The following CORO1B variants were observed in gnomAD, a reference collection of about 807,000 sequenced individuals.
CORO1B encodes coronin 1B, also known as coronin-1B.
Under a neutral mutation model 51.1 loss-of-function variants are expected in CORO1B, and 30 were observed. The ratio of observed to expected loss-of-function variants is 0.59; its 90% CI spans 0.44 to 0.80. CORO1B has a LOEUF of 0.80. Among genes scored for constraint, CORO1B ranks in the 30% least tolerant of loss-of-function variants. CORO1B has a pLI of 0.00. For missense variants in CORO1B, 648 were observed against 700.4 expected (o/e 0.93, Z 0.84); for synonymous variants, 310 against 289.7 (o/e 1.07, Z -0.71).
Position 67,437,782 on chromosome 11 carries a change from C to T in CORO1B, c.*594G>A. The T allele has an allele frequency of 1.5e-6, 1 of 653,160 alleles. No homozygotes were observed. Among genetic ancestry groups the T allele is most frequent in the Non-Finnish European group, 2.2e-6 (1 of 448,944 alleles). The allele number at this position is 653,160 out of a possible 1,614,324, so 40.5% of individuals were successfully genotyped here. On this transcript the variant is annotated 3_prime_UTR_variant, in exon 11 of 11. Coordinates refer to ENST00000341356, the MANE Select transcript of CORO1B (RefSeq NM_020441.3). The stretch of plus-strand genomic sequence containing the variant: ...CTGCTGCAGGACCCCTGGTCCACAC[C>T]AGACCCTCCCCAGTCTCTCTGGAGG...
intron 2 of CORO1B, 126 bp downstream of exon 2, chr11:67,442,302 A>C: frequency 7.9e-7 from 1 of 1,259,836 alleles, no homozygotes; most frequent in Non-Finnish European, 1.1e-6. Flanking sequence ...TTGGGGCGAT[A>C]AATCTGGGTT....
upstream of CORO1B, chr11:67,443,584 G>T (rs1864439519): frequency 1.4e-6 from 1 of 696,800 alleles, no homozygotes; most frequent in African/African-American, 1.9e-5. Flanking sequence ...GAGGCTGAGC[G>T]GCGCCGGGGG....
In CORO1B at chr11:67,436,237, C is replaced by T; in HGVS notation, c.*2139G>A. 6.5e-7 allele frequency: 1 copy of T among 1,546,532 alleles called. No homozygotes were observed. The highest frequency in any genetic ancestry group is 8.7e-7 in the Non-Finnish European group (1 of 1,149,462). Reference sequence around the variant, plus strand: ...TGGCCAGCAGTAGGAGCAGCAGCAGCAGCAGGACAACGGTGACAGAGCTGG... The same window carrying T: ...TGGCCAGCAGTAGGAGCAGCAGCAGTAGCAGGACAACGGTGACAGAGCTGG... On this transcript the variant is annotated 3_prime_UTR_variant, in exon 11 of 11. Transcript: ENST00000341356.
In CORO1B at chr11:67,435,554, T is replaced by TG; in HGVS notation, c.*2821dup. Reference sequence around the variant, plus strand: ...ATTTCAAATGGTTGCCTGATGCCTGTGGTTGGGGGGGGCCGTTCCCGTGGT... The same window carrying TG: ...ATTTCAAATGGTTGCCTGATGCCTGTGGGTTGGGGGGGGCCGTTCCCGTGGT... On this transcript the variant is annotated 3_prime_UTR_variant, in exon 11 of 11. Transcript: ENST00000341356. 1 of 863,770 alleles carries TG rather than the reference T, an allele frequency of 1.2e-6. No homozygotes were observed. The highest frequency in any genetic ancestry group is 2.0e-5 in the African/African-American group (1 of 50,214). The allele number at this position is 863,770 out of a possible 1,614,324, so 53.5% of individuals were successfully genotyped here. A position where few individuals can be genotyped will look rare whatever the true frequency, so the allele number is the denominator to read the frequency against.
At position 67,435,915 on chromosome 11, in the gene CORO1B, C is replaced by T. The variant is rs1397617312; in HGVS notation, c.*2461G>A. 6.2e-7 allele frequency: 1 copy of T among 1,612,794 alleles called. No individual in the cohort carries two copies. On this transcript the variant is annotated 3_prime_UTR_variant, in exon 11 of 11. Coordinates refer to ENST00000341356, the MANE Select transcript of CORO1B (RefSeq NM_020441.3). The stretch of plus-strand genomic sequence containing the variant: ...GTGTCACTGTCTCTGGCTTCCTCAG[C>T]CCGCACGGGGACCTGCTCTGGGCTG...
chr11:67,436,284 T>C lies in CORO1B; in HGVS notation c.*2092A>G, dbSNP rs199865696. 2.4e-3 allele frequency: 3,653 copies of C among 1,536,330 alleles called. 10 individuals are homozygous for C. The highest frequency in any genetic ancestry group is 2.9e-3 in the Non-Finnish European group (3,325 of 1,145,346). ...CTGGAGCCCACGCTGTCCTCCGCGC[T>C]GCCACCCGAGCCCAAGGCCCCTGGC... On this transcript the variant is annotated 3_prime_UTR_variant, in exon 11 of 11. Coordinates refer to ENST00000341356, the MANE Select transcript of CORO1B (RefSeq NM_020441.3).
chr11:67,438,412 C>T lies in CORO1B; in HGVS notation c.1434G>A (p.Glu478=), dbSNP rs763019519. 1.9e-6 allele frequency: 3 copies of T among 1,610,394 alleles called. No individual in the cohort carries two copies. The highest frequency in any genetic ancestry group is 1.7e-5 in the Admixed American group (1 of 59,960). The change falls in exon 11 of 11, where the codon GAG becomes GAA. Residue 478 remains glutamate (E), a synonymous_variant. Transcript: ENST00000341356. ...KEQGDRICRL[E]EQLGRMENGD... ...CGTTCTCCATGCGGCCCAGCTGCTC[C>T]TCCAGGCGGCAGATGCGGTCGCCCT... is the stretch of plus-strand genomic sequence containing the variant.
intron 9 of CORO1B, among the ~76,000 whole-genome samples, chr11:67,439,287 G>A (rs1433752146): frequency 6.6e-6 from 1 of 152,226 alleles, no homozygotes; most frequent in South Asian, 2.1e-4. Flanking sequence ...TGTTGAAAGA[G>A]CAGTCGGCAA....
In CORO1B at chr11:67,442,611, C is replaced by G. The variant is rs754962938; in HGVS notation, c.18G>C (p.Val6=). The G allele has an allele frequency of 1.2e-6, 2 of 1,613,664 alleles. No homozygotes were observed. Among genetic ancestry groups the G allele is most frequent in the South Asian group, 2.2e-5 (2 of 91,086 alleles). ...CATGCCGGAATTTGCTCTGCCGGAC[C>G]ACTTTGCGGAAGGACATGTCTGCGG... MSFRK[V]VRQSKFRHVF... Residue 6 remains valine, a synonymous_variant, in exon 2 of 11, where the codon GTG becomes GTC. Transcript: ENST00000341356.
rs964203218 is a variant in CORO1B, at chr11:67,437,852, A to G, written c.*524T>C. The G allele has an allele frequency of 1.8e-5, 7 of 399,938 alleles. No individual in the cohort carries two copies. Among genetic ancestry groups the G allele is most frequent in the African/African-American group, 1.0e-4 (5 of 48,564 alleles). The allele number at this position is 399,938 out of a possible 1,614,324, so 24.8% of individuals were successfully genotyped here. A position where few individuals can be genotyped will look rare whatever the true frequency, so the allele number is the denominator to read the frequency against. ...GTCCTCCAAGGAAGAAGCAGCACCA[A>G]CTTGAAGCTGGATGCAGCCTTGCAT... On this transcript the variant is annotated 3_prime_UTR_variant, in exon 11 of 11. Coordinates refer to ENST00000341356, the MANE Select transcript of CORO1B (RefSeq NM_020441.3).
chr11:67,438,538 C>A, intron 10 of CORO1B, 37 bp from the exon 11 acceptor site: 1 of 1,583,450 alleles, frequency 6.3e-7, no homozygotes, highest in South Asian at 1.1e-5. Context: ...GGGCGGTGGT[C>A]AGGGGCTGCT....
At chr11:67,442,238 C>T (rs1864411871) in intron 2 of CORO1B, 150 bp from the exon 3 acceptor site, 2 of 1,392,096 alleles carry the variant, frequency 1.4e-6, no homozygotes, top group Admixed American at 2.0e-5. Flanking sequence ...GAAATGTTTG[C>T]TGCCTCTAAC....
At chr11:67,440,484 C>A (rs373355481) in intron 6 of CORO1B, 45 bp from the exon 7 acceptor site, 2 of 1,579,140 alleles carry the variant, frequency 1.3e-6, no homozygotes, top group South Asian at 1.1e-5. Flanking sequence ...CTCCTCACCC[C>A]CTAATCCCAA....
At chr11:67,443,125 G>A (rs1211580681) in intron 1 of CORO1B, among the ~76,000 whole-genome samples, 2 of 152,164 alleles carry the variant, frequency 1.3e-5, no homozygotes, top group Admixed American at 6.5e-5. Flanking sequence ...CCCCGGCATG[G>A]CCCCCAGGAA....
At position 67,438,473 on chromosome 11, in the gene CORO1B, T is replaced by G. The variant is rs1267484939; in HGVS notation, c.1373A>C (p.Gln458Pro). The G allele has an allele frequency of 6.2e-7, 1 of 1,610,338 alleles. No individual in the cohort carries two copies. Among genetic ancestry groups the G allele is most frequent in the East Asian group, 2.2e-5 (1 of 44,790 alleles). Residue 458 changes from glutamine (Q) to proline (P), a missense_variant, in exon 11 of 11, where the codon CAG (glutamine) becomes CCG (proline). Coordinates refer to ENST00000341356, the MANE Select transcript of CORO1B (RefSeq NM_020441.3). ...CAGCGCCCTCAGGGCCCGCAGCTCCTGCATCACCTCCTCCAGCTTCCCAGC... is the reference window on the plus strand; with the variant it reads ...CAGCGCCCTCAGGGCCCGCAGCTCCGGCATCACCTCCTCCAGCTTCCCAGC... ...GEAGKLEEVM[Q>P]ELRALRALVK...
At position 67,438,433 on chromosome 11, in the gene CORO1B, G is replaced by A. The variant is rs530415676; in HGVS notation, c.1413C>T (p.Gly471=). ...RALRALVKEQ[G]DRICRLEEQL... ...GCTCCTCCAGGCGGCAGATGCGGTC[G>A]CCCTGCTCCTTGACCAGCGCCCTCA... The change falls in exon 11 of 11, where the codon GGC becomes GGT. Residue 471 remains glycine, a synonymous_variant. Coordinates refer to ENST00000341356, the MANE Select transcript of CORO1B (RefSeq NM_020441.3). The A allele has an allele frequency of 2.5e-6, 4 of 1,611,164 alleles. No homozygotes were observed. In the South Asian group the frequency reaches 3.3e-5, roughly 13 times the overall value.
chr11:67,441,409 T>C lies in CORO1B; in HGVS notation c.560A>G (p.Asn187Ser), dbSNP rs763066868. 1.4e-5 allele frequency: 22 copies of C among 1,613,748 alleles called. No homozygotes were observed. The highest frequency in any genetic ancestry group is 4.4e-5 in the South Asian group (4 of 91,092). The change falls in exon 5 of 11, where the codon AAT becomes AGT. Residue 187 changes from asparagine (N) to serine (S), a missense_variant. By Grantham distance (46) the Asn-to-Ser change is conservative. Transcript: ENST00000341356. ...GCATGCTGAGCAAAACAGGCTGCCA[T>C]TGTGGTTCCAGCTGACATTGTAGAT... is the stretch of plus-strand genomic sequence containing the variant. ...DLIYNVSWNH[N>S]GSLFCSACKD...
At chr11:67,442,667 C>T in intron 1 of CORO1B, 37 bp from the exon 2 acceptor site, 3 of 1,593,476 alleles carry the variant, frequency 1.9e-6, no homozygotes, top group Non-Finnish European at 2.6e-6. Flanking sequence ...TCCGGCCCAT[C>T]CCAACAACTC....
Position 67,441,203 on chromosome 11 carries a change from G to A in CORO1B, c.678C>T (p.Ala226=). 1 of 1,613,120 alleles carries A rather than the reference G, an allele frequency of 6.2e-7. No individual in the cohort carries two copies. Among genetic ancestry groups the A allele is most frequent in the Non-Finnish European group, 8.5e-7 (1 of 1,179,986 alleles). ...ACACCTTGCCATCTGCCAGGAAGAT[G>A]GCCCGCATGGGCCGGGCCCCCTCAT... ...KAHEGARPMR[A]IFLADGKVFT... The change falls in exon 6 of 11, where the codon GCC becomes GCT. Residue 226 remains alanine, a synonymous_variant. Transcript: ENST00000341356.
Sources: allele counts gnomAD v4.1 joint callset (sites outside exome capture counted in the v4.1 genomes callset), GRCh38; gene constraint gnomAD v4.1.1; transcripts MANE v1.5; gene names NCBI Gene and HGNC (gene_info 2026-07-23, HGNC 2026-07-21).